TIMM17A: variants seen among roughly 807,000 people sequenced by gnomAD.
TIMM17A encodes mitochondrial import inner membrane translocase subunit Tim17-A.
In TIMM17A, 15 loss-of-function variants were observed where a neutral mutation model predicts 26.5. That is an observed-to-expected ratio of 0.57 (90% CI 0.38 to 0.87). The LOEUF is 0.87. TIMM17A is among the 40% of genes least tolerant of loss of function. The pLI, the probability that TIMM17A is intolerant of heterozygous loss-of-function variation, is 0.00. For synonymous variants in TIMM17A, 80 were observed against 70.8 expected, an observed-to-expected ratio of 1.13 and a Z score of -0.66; for missense variants, 201 against 210.0, an observed-to-expected ratio of 0.96 and a Z score of 0.27.
chr1:201,957,230 T>G (rs1161352230), intron 1 of TIMM17A, 51 bp from the exon 2 acceptor site: 1 of 1,230,442 alleles, frequency 8.1e-7, no homozygotes, highest in Non-Finnish European at 1.2e-6. Flanking sequence ...CAAAGAAGAT[T>G]TTATGGTTTG....
In TIMM17A at chr1:201,965,518, A is replaced by C; in HGVS notation, c.405A>C (p.Arg135Ser). The part of the protein sequence containing the change: ...LIEGAGILLT[R>S]FASAQFPNGP... ...AAGGAGCTGGTATCTTGTTGACAAG[A>C]TTTGCCTCTGCACAGTTTCCCAATG... Residue 135 changes from arginine (R) to serine (S), a missense_variant, in exon 5 of 6, where the codon AGA (arginine) becomes AGC (serine). Transcript: ENST00000367287. The C allele has an allele frequency of 1.2e-6, 2 of 1,613,836 alleles. No individual in the cohort carries two copies. The highest frequency in any genetic ancestry group is 1.7e-6 in the Non-Finnish European group (2 of 1,179,710).
At chr1:201,967,081 C>A (rs982422774) in intron 5 of TIMM17A, among the ~76,000 whole-genome samples, 1 of 147,958 alleles carries the variant, frequency 6.8e-6, no homozygotes, top group African/African-American at 2.5e-5. Context: ...GAAAAAAATA[C>A]GTAGAATAGT....
At chr1:201,965,375 C>T in intron 4 of TIMM17A, 58 bp from the exon 5 acceptor site, 1 of 1,200,582 alleles carries the variant, frequency 8.3e-7, no homozygotes, top group South Asian at 1.2e-5. Context: ...TCTTTACTAT[C>T]TCTTACAGTA....
At chr1:201,966,923 T>C (rs1449223265) in intron 5 of TIMM17A, among the ~76,000 whole-genome samples, 19 of 147,794 alleles carry the variant, frequency 1.3e-4, no homozygotes, top group Admixed American at 1.1e-3. Flanking sequence ...ATAATATGTA[T>C]GTTATATGTT....
intron 3 of TIMM17A, among the ~76,000 whole-genome samples, chr1:201,960,256 C>T (rs926216000): frequency 1.3e-5 from 2 of 152,018 alleles, no homozygotes; most frequent in African/African-American, 2.4e-5. Flanking sequence ...ACCAATTAGC[C>T]GGGTGTGGTG....
chr1:201,955,930 G>GCT (rs1289032769), intron 1 of TIMM17A, among the ~76,000 whole-genome samples: 1 of 152,184 alleles, frequency 6.6e-6, no homozygotes, highest in African/African-American at 2.4e-5. Flanking sequence ...GTCTCGCCTT[G>GCT]CTCAGTTCCT....
rs768103301 is a variant in TIMM17A, at chr1:201,957,556, A to G, written c.172A>G (p.Arg58Gly). ...LRGSLTAIKT[R>G]APQLGGSFAV... ...AGGGAGTTTGACAGCTATTAAAACC[A>G]GGGCTCCACAGTTAGGAGGTAAGCA... Residue 58 changes from arginine (R) to glycine (G), a missense_variant, in exon 3 of 6, where the codon AGG (arginine) becomes GGG (glycine). By Grantham distance (125) the Arg-to-Gly change is moderately radical (BLOSUM62 -2). Coordinates refer to ENST00000367287, the MANE Select transcript of TIMM17A (RefSeq NM_006335.3). The G allele has an allele frequency of 1.2e-6, 2 of 1,613,526 alleles. No homozygotes were observed. The highest frequency in any genetic ancestry group is 1.7e-6 in the Non-Finnish European group (2 of 1,179,964).
chr1:201,955,909 C>T (rs770470442), intron 1 of TIMM17A, among the ~76,000 whole-genome samples: 2 of 152,188 alleles, frequency 1.3e-5, no homozygotes, highest in Non-Finnish European at 2.9e-5. Flanking sequence ...TGACCTTGGG[C>T]GCGTCCCTCC....
chr1:201,969,355 T>C lies in TIMM17A; in HGVS notation c.431-114T>C, dbSNP rs1335130614. 7.1e-6 allele frequency: 6 copies of C among 841,334 alleles called. No individual in the cohort carries two copies. The African/African-American group carries it at 8.7e-5, about 12-fold the overall frequency. The allele number at this position is 841,334 out of a possible 1,614,324, so 52.1% of individuals were successfully genotyped here. On this transcript the variant is annotated intron_variant, in intron 5 of 5. Transcript: ENST00000367287. ...CTATAAAGAAATTTAGGGTTATAGC[T>C]TTAATTTAGCACATTTTTTTGTTGT...
At position 201,970,499 on chromosome 1, in the gene TIMM17A, A is replaced by G. The variant is rs1682717545; in HGVS notation, c.*945A>G. The G allele has an allele frequency of 6.6e-6, 1 of 152,208 alleles. No individual in the cohort carries two copies. Among genetic ancestry groups the G allele is most frequent in the South Asian group, 2.1e-4 (1 of 4,830 alleles). The allele number at this position is 152,208 out of a possible 1,614,324, so 9.4% of individuals were successfully genotyped here. A position where few individuals can be genotyped will look rare whatever the true frequency, so the allele number is the denominator to read the frequency against. ...ATGTTAGTTAATTACACATTTGCCTACATCTGTGGGAAATGGAGAACAAAG... is the reference window on the plus strand; with the variant it reads ...ATGTTAGTTAATTACACATTTGCCTGCATCTGTGGGAAATGGAGAACAAAG... On this transcript the variant is annotated 3_prime_UTR_variant, in exon 6 of 6. Transcript: ENST00000367287.
chr1:201,960,642 T>A (rs147704548), intron 3 of TIMM17A, among the ~76,000 whole-genome samples: 1 of 152,180 alleles, frequency 6.6e-6, no homozygotes, highest in Non-Finnish European at 1.5e-5. Flanking sequence ...ATTCTAAAAA[T>A]ACTAGGATGA....
chr1:201,962,332 A>C (rs759011398), intron 3 of TIMM17A: 1 of 152,180 alleles, frequency 6.6e-6, no homozygotes, highest in Non-Finnish European at 1.5e-5. Context: ...CACTGGTACT[A>C]TCCACTGGAT....
At chr1:201,967,716 T>C (rs1682660803) in intron 5 of TIMM17A, among the ~76,000 whole-genome samples, 1 of 151,674 alleles carries the variant, frequency 6.6e-6, no homozygotes, top group Admixed American at 6.6e-5. Flanking sequence ...CTAATTTTTA[T>C]ATTTTTTGTA....
intron 1 of TIMM17A, among the ~76,000 whole-genome samples, chr1:201,956,988 A>G (rs1682424613): frequency 6.6e-6 from 1 of 152,024 alleles, no homozygotes; most frequent in Admixed American, 6.6e-5. Context: ...TAGAAAAATA[A>G]TGGGTTTTCA....
At chr1:201,965,913 G>A (rs1334821434) in intron 5 of TIMM17A, among the ~76,000 whole-genome samples, 2 of 152,174 alleles carry the variant, frequency 1.3e-5, no homozygotes, top group Non-Finnish European at 2.9e-5. Context: ...GTAGTGAACA[G>A]GACAGTTCCT....
intron 2 of TIMM17A, 33 bp downstream of exon 2, chr1:201,957,413 C>T: frequency 5.7e-6 from 9 of 1,592,358 alleles, no homozygotes; most frequent in Non-Finnish European, 7.8e-6. Context: ...TTTATCATCA[C>T]TTGCAACTTG....
intron 5 of TIMM17A, among the ~76,000 whole-genome samples, chr1:201,968,547 A>G (rs929537719): frequency 6.6e-6 from 1 of 151,442 alleles, no homozygotes; most frequent in Non-Finnish European, 1.5e-5. Context: ...ACCCTCCACC[A>G]TGCCCAGCTA....
At chr1:201,964,668 A>G (rs1682595392) in intron 4 of TIMM17A, among the ~76,000 whole-genome samples, 1 of 48,428 alleles carries the variant, frequency 2.1e-5, no homozygotes, top group Non-Finnish European at 3.4e-5. Context: ...TTTTTTTTTG[A>G]GACTGAGTCT....
rs1156997879 is a variant in TIMM17A at position 201,970,190 on chromosome 1, C to T, written c.*636C>T. 6.6e-6 allele frequency: 1 copy of T among 152,180 alleles called. No individual in the cohort carries two copies. Among genetic ancestry groups the T allele is most frequent in the Non-Finnish European group, 1.5e-5 (1 of 68,036 alleles). The allele number at this position is 152,180 out of a possible 1,614,324, so 9.4% of individuals were successfully genotyped here. ...GATACAAAACTCTCTTCCTTTAGGG[C>T]TACTGAGTCTTGATTCCTGATCATC... is the stretch of plus-strand genomic sequence containing the variant. On this transcript the variant is annotated 3_prime_UTR_variant, in exon 6 of 6. Coordinates refer to ENST00000367287, the MANE Select transcript of TIMM17A (RefSeq NM_006335.3).
Sources: allele counts gnomAD v4.1 joint callset (sites outside exome capture counted in the v4.1 genomes callset), GRCh38; gene constraint gnomAD v4.1.1; transcripts MANE v1.5; gene names NCBI Gene and HGNC (gene_info 2026-07-23, HGNC 2026-07-21).